Variants in BTBD9 observed in about 807,000 individuals in gnomAD.
BTBD9 encodes BTB/POZ domain-containing protein 9.
BTBD9 carries 49 observed loss-of-function variants against 64.3 expected under a neutral mutation model. The observed-to-expected ratio is 0.76, with a 90% CI of 0.61 to 0.97. The LOEUF (loss-of-function observed/expected upper bound fraction) is 0.97. Among genes scored for constraint, BTBD9 ranks in the 50% least tolerant of loss-of-function variants. BTBD9 has a pLI of 0.00. For missense variants in BTBD9, 598 were observed against 762.1 expected (o/e 0.78, Z 2.53); for synonymous variants, 260 against 274.7 (o/e 0.95, Z 0.53).
intron 6 of BTBD9, among the ~76,000 whole-genome samples, chr6:38,438,200 AAAGG>A (rs1768830723): frequency 1.8e-5 from 2 of 109,384 alleles, no homozygotes; most frequent in African/African-American, 7.8e-5. Flanking sequence ...GGAAAGGAGG[AAAGG>A]AAGGAGGGAG....
chr6:38,225,860 A>G (rs939072323), intron 9 of BTBD9, among the ~76,000 whole-genome samples: 1 of 152,236 alleles, frequency 6.6e-6, no homozygotes, highest in Non-Finnish European at 1.5e-5. Flanking sequence ...TTTACCACTT[A>G]CAGATTACTT....
chr6:38,523,282 T>C (rs1400632423), intron 6 of BTBD9, among the ~76,000 whole-genome samples: 2 of 152,172 alleles, frequency 1.3e-5, no homozygotes, highest in Non-Finnish European at 1.5e-5. Context: ...TACCCCAGTC[T>C]AGCCCTGTGC....
chr6:38,537,178 G>C (rs1774057673), intron 6 of BTBD9, among the ~76,000 whole-genome samples: 1 of 152,114 alleles, frequency 6.6e-6, no homozygotes, highest in African/African-American at 2.4e-5. Flanking sequence ...TTGTTGCACT[G>C]TTTTGTGTAT....
intron 8 of BTBD9, among the ~76,000 whole-genome samples, chr6:38,270,602 C>A (rs981805547): frequency 1.1e-4 from 17 of 152,118 alleles, no homozygotes; most frequent in Non-Finnish European, 2.1e-4. Flanking sequence ...CCTGAGGTAA[C>A]CTCCAAGGCG....
chr6:38,471,970 A>G (rs1212501381), intron 6 of BTBD9, among the ~76,000 whole-genome samples: 3 of 152,230 alleles, frequency 2.0e-5, no homozygotes, highest in African/African-American at 7.2e-5. Context: ...GCCAGTTAGA[A>G]ATACAGGGAA....
At position 38,169,764 on chromosome 6, in the gene BTBD9, T is replaced by A. The variant is rs1207883430; in HGVS notation, c.*5221A>T. ...GCTGCAGGGCCTCCTCCACCCCCCC[T>A]CCCCCCCGCCCATTCAGGGCTATAA... On this transcript the variant is annotated 3_prime_UTR_variant, in exon 11 of 11. Coordinates refer to ENST00000481247, the MANE Select transcript of BTBD9 (RefSeq NM_001099272.2). 1.3e-5 allele frequency: 1 copy of A among 78,140 alleles called. No individual in the cohort carries two copies. The allele number at this position is 78,140 out of a possible 1,614,324, so 4.8% of individuals were successfully genotyped here. A position where few individuals can be genotyped will look rare whatever the true frequency, so the allele number is the denominator to read the frequency against.
At chr6:38,587,018 G>A (rs561395221) in intron 4 of BTBD9, among the ~76,000 whole-genome samples, 14 of 151,650 alleles carry the variant, frequency 9.2e-5, no homozygotes, top group Non-Finnish European at 1.9e-4. Context: ...AGCCGAGATT[G>A]TGTCGTTGCA....
rs374602335 is a variant in BTBD9 at position 38,511,657 on chromosome 6, G to A, written c.1154+65943C>T. On this transcript the variant is annotated intron_variant, in intron 6 of 10. Coordinates refer to ENST00000481247, the MANE Select transcript of BTBD9 (RefSeq NM_001099272.2). ...GCTCCTGGCTGTAAATACCTCTGATGTAGCTTGAATCATATCTAAATTATG... is the reference window on the plus strand; with the variant it reads ...GCTCCTGGCTGTAAATACCTCTGATATAGCTTGAATCATATCTAAATTATG... Among the ~76,000 whole-genome samples the A allele has an allele frequency of 3.9e-5, 6 of 151,954 alleles. No individual in the cohort carries two copies. In the East Asian group the frequency reaches 9.7e-4, roughly 25 times the overall value.
intron 6 of BTBD9, among the ~76,000 whole-genome samples, chr6:38,371,384 T>C (rs1440589618): frequency 6.6e-6 from 1 of 152,216 alleles, no homozygotes; most frequent in Non-Finnish European, 1.5e-5. Flanking sequence ...GTGATTGTGA[T>C]GGATGCTAAG....
intron 6 of BTBD9, among the ~76,000 whole-genome samples, chr6:38,470,985 T>C (rs1167470281): frequency 6.6e-6 from 1 of 152,190 alleles, no homozygotes; most frequent in Non-Finnish European, 1.5e-5. Flanking sequence ...ATTTGCTACA[T>C]TAAAATTCTT....
At chr6:38,425,957 CAA>C (rs76104630) in intron 6 of BTBD9, among the ~76,000 whole-genome samples, 8 of 125,968 alleles carry the variant, frequency 6.4e-5, no homozygotes, top group African/African-American at 2.3e-4. Flanking sequence ...CACACACACA[CAA>C]ACAAAAGCAA....
At chr6:38,407,002 T>C (rs996556305) in intron 6 of BTBD9, among the ~76,000 whole-genome samples, 6 of 152,210 alleles carry the variant, frequency 3.9e-5, no homozygotes, top group Admixed American at 3.9e-4. Context: ...AGAGTTCAAA[T>C]TCCTTGTTCT....
At chr6:38,195,242 A>T (rs1762236230) in intron 9 of BTBD9, among the ~76,000 whole-genome samples, 1 of 152,238 alleles carries the variant, frequency 6.6e-6, no homozygotes, top group African/African-American at 2.4e-5. Flanking sequence ...GCCTTGGCTG[A>T]GATTTCACAG....
At chr6:38,374,297 G>GTATATATATATATATATATATACATATA in intron 6 of BTBD9, among the ~76,000 whole-genome samples, 1 of 53,700 alleles carries the variant, frequency 1.9e-5, no homozygotes, top group African/African-American at 8.8e-5. Flanking sequence ...ATATATATAT[G>GTATATATATATATATATATATACATATA]TATATATATG....
chr6:38,548,325 T>C (rs1774646906), intron 6 of BTBD9, among the ~76,000 whole-genome samples: 2 of 152,228 alleles, frequency 1.3e-5, no homozygotes, highest in Non-Finnish European at 2.9e-5. Context: ...CGGCATGAAG[T>C]ATGCCATTGG....
intron 7 of BTBD9, among the ~76,000 whole-genome samples, chr6:38,335,807 C>T (rs958645850): frequency 6.6e-6 from 1 of 152,156 alleles, no homozygotes; most frequent in Admixed American, 6.5e-5. Flanking sequence ...AATCTTGGCT[C>T]ACCGCAACCT....
At chr6:38,600,553 C>T (rs1210483569) in intron 1 of BTBD9, among the ~76,000 whole-genome samples, 1 of 151,966 alleles carries the variant, frequency 6.6e-6, no homozygotes, top group Admixed American at 6.6e-5. Context: ...TCTCACATCA[C>T]TCTCCAATAT....
chr6:38,588,505 C>T, intron 4 of BTBD9: 3 of 824,356 alleles, frequency 3.6e-6, no homozygotes, highest in Non-Finnish European at 5.6e-6. Flanking sequence ...AGGGCTATAC[C>T]AAACCTGGAC....
chr6:38,239,459 A>AT lies in BTBD9; in HGVS notation c.1562+16949_1562+16950insA, dbSNP rs201857243. ...GTCTCAAAAAAAAAAAAAAAAAAAA[A>AT]AGATATAATCTCTTATAGGAAATTT... is the stretch of plus-strand genomic sequence containing the variant. On this transcript the variant is annotated intron_variant, in intron 9 of 10. Coordinates refer to ENST00000481247, the MANE Select transcript of BTBD9 (RefSeq NM_001099272.2). Among the ~76,000 whole-genome samples, 504 of 148,830 alleles carry AT rather than the reference A, an allele frequency of 3.4e-3. 4 individuals carry two copies. The highest frequency in any genetic ancestry group is 0.013 in the East Asian group (62 of 4,806).
Sources: gnomAD v4.1 joint callset for allele counts (sites outside exome capture counted in the v4.1 genomes callset) on GRCh38, gnomAD v4.1.1 for gene constraint, MANE v1.5 for transcripts, NCBI Gene and HGNC (gene_info 2026-07-23, HGNC 2026-07-21) for gene names.